NDUFA10: variants seen among roughly 807,000 people sequenced by gnomAD.
NDUFA10 encodes NADH dehydrogenase [ubiquinone] 1 alpha subcomplex subunit 10, mitochondrial.
Under a neutral mutation model 47.8 loss-of-function variants are expected in NDUFA10, and 40 were observed. The observed-to-expected ratio is 0.84, with a 90% CI of 0.65 to 1.09. The LOEUF (loss-of-function observed/expected upper bound fraction) is 1.09, where lower values mean the gene tolerates loss of function less well. Ranked by LOEUF, NDUFA10 falls within the 50% of genes least tolerant of loss-of-function variation. NDUFA10 has a pLI of 0.00. For missense variants in NDUFA10, 413 were observed against 451.1 expected (o/e 0.92, Z 0.76); for synonymous variants, 183 against 172.2 (o/e 1.06, Z -0.49).
chr2:239,920,280 G>T (rs1693946486), intron 4 of NDUFA10, among the ~76,000 whole-genome samples: 1 of 152,216 alleles, frequency 6.6e-6, no homozygotes, highest in African/African-American at 2.4e-5. Context: ...CTGCCATCCT[G>T]CAGAGCTGAG....
At chr2:239,916,013 GATAC>G (rs1346270588) in intron 4 of NDUFA10, among the ~76,000 whole-genome samples, 3 of 125,890 alleles carry the variant, frequency 2.4e-5, no homozygotes, top group Non-Finnish European at 4.9e-5. Context: ...CAAATATACA[GATAC>G]ATAGAGAGAC....
intron 8 of NDUFA10, among the ~76,000 whole-genome samples, chr2:239,996,822 T>A (rs1250992104): frequency 1.3e-5 from 2 of 151,384 alleles, no homozygotes; most frequent in East Asian, 1.9e-4. Context: ...TTTTTTTTTT[T>A]AACTCATCAG....
chr2:239,896,567 G>T (rs931152446), intron 4 of NDUFA10, among the ~76,000 whole-genome samples: 2 of 152,190 alleles, frequency 1.3e-5, no homozygotes, highest in Non-Finnish European at 2.9e-5. Flanking sequence ...GCTGAAACAG[G>T]TTCCATCATC....
intron 4 of NDUFA10, among the ~76,000 whole-genome samples, chr2:239,921,389 G>A (rs1574780458): frequency 3.2e-5 from 3 of 94,464 alleles, no homozygotes; most frequent in Non-Finnish European, 4.0e-5. Flanking sequence ...CAAGCAGGTT[G>A]CAGCTACTGG....
intron 8 of NDUFA10, among the ~76,000 whole-genome samples, chr2:239,999,017 A>G (rs1696596835): frequency 6.6e-6 from 1 of 152,168 alleles, no homozygotes. Flanking sequence ...GACCACATGG[A>G]GCTGAGCTGC....
chr2:239,995,981 C>A (rs780311465), intron 8 of NDUFA10, among the ~76,000 whole-genome samples: 1 of 152,138 alleles, frequency 6.6e-6, no homozygotes, highest in Non-Finnish European at 1.5e-5. Context: ...ACAAATCCAG[C>A]GCTGTTGGAA....
intron 4 of NDUFA10, among the ~76,000 whole-genome samples, chr2:239,918,517 G>A (rs1237410616): frequency 6.6e-6 from 1 of 152,200 alleles, no homozygotes. Flanking sequence ...ACAGAGGCCA[G>A]GGAAAACCTG....
At chr2:239,980,155 G>A (rs1695711193) in intron 9 of NDUFA10, among the ~76,000 whole-genome samples, 1 of 152,130 alleles carries the variant, frequency 6.6e-6, no homozygotes, top group Non-Finnish European at 1.5e-5. Context: ...CCACTAGGAG[G>A]TGAGCTGCAT....
chr2:239,966,988 T>C (rs1259347801), intron 9 of NDUFA10, among the ~76,000 whole-genome samples: 1 of 151,822 alleles, frequency 6.6e-6, no homozygotes, highest in African/African-American at 2.4e-5. Context: ...CACTGGCCCA[T>C]GCTGTACATC....
chr2:239,980,590 G>T (rs1033437786), intron 9 of NDUFA10, among the ~76,000 whole-genome samples: 7 of 152,136 alleles, frequency 4.6e-5, no homozygotes, highest in Non-Finnish European at 1.0e-4. Flanking sequence ...ACCAAAACAG[G>T]GTTTCCAGTT....
intron 9 of NDUFA10, among the ~76,000 whole-genome samples, chr2:239,980,706 C>T (rs1355416860): frequency 3.3e-5 from 5 of 152,218 alleles, no homozygotes; most frequent in African/African-American, 9.6e-5. Context: ...ACATGTACAG[C>T]TGAGCTCCGC....
At position 240,025,236 on chromosome 2, in the gene NDUFA10, G is replaced by A. The variant is rs1395271828; in HGVS notation, c.66C>T (p.Ala22=). ...SASARVVAAG[A]QRVRGIHSSV... ...CCCGCCGCCCGCTCACCACGCGCTG[G>A]GCGCCCGCCGCCACGACCCGGGCGG... The change falls in exon 1 of 10, where the codon GCC becomes GCT. Residue 22 remains alanine, a synonymous_variant. Coordinates refer to ENST00000252711, the MANE Select transcript of NDUFA10 (RefSeq NM_004544.4). The A allele has an allele frequency of 6.7e-7, 1 of 1,484,500 alleles. No homozygotes were observed. The highest frequency in any genetic ancestry group is 1.3e-5 in the South Asian group (1 of 79,202). 92.0% of individuals were successfully genotyped at this position (1,484,500 alleles called of 1,614,324 possible).
chr2:239,992,483 T>C (rs1696291942), intron 8 of NDUFA10, among the ~76,000 whole-genome samples: 1 of 152,240 alleles, frequency 6.6e-6, no homozygotes, highest in African/African-American at 2.4e-5. Flanking sequence ...TGCAAAGTTC[T>C]ATCTGAAACA....
chr2:239,908,628 C>T (rs1361318337), intron 4 of NDUFA10, among the ~76,000 whole-genome samples: 1 of 152,196 alleles, frequency 6.6e-6, no homozygotes, highest in Non-Finnish European at 1.5e-5. Context: ...AGTAAGATGG[C>T]AGAATGTCCA....
chr2:239,923,611 G>T (rs1363898709), intron 4 of NDUFA10, among the ~76,000 whole-genome samples: 1 of 152,014 alleles, frequency 6.6e-6, no homozygotes, highest in Non-Finnish European at 1.5e-5. Context: ...TTTGTGGGGT[G>T]CGTATTAAAT....
chr2:239,964,367 G>A (rs936718538), intron 9 of NDUFA10, among the ~76,000 whole-genome samples: 6 of 152,080 alleles, frequency 3.9e-5, no homozygotes, highest in African/African-American at 1.4e-4. Flanking sequence ...AAAGGGAAAG[G>A]ACACCAATCT....
chr2:239,959,415 G>C lies in NDUFA10; in HGVS notation c.*1703C>G. 1.0e-6 allele frequency: 1 copy of C among 985,468 alleles called. No individual in the cohort carries two copies. Among genetic ancestry groups the C allele is most frequent in the African/African-American group, 1.7e-5 (1 of 57,378 alleles). 61.0% of individuals were successfully genotyped at this position (985,468 alleles called of 1,614,324 possible). ...GGAACAGCTAAGATAATTAAAGATG[G>C]CTTTCTTTTTCTTTCCTCCCCTCCA... is the stretch of plus-strand genomic sequence containing the variant. On this transcript the variant is annotated 3_prime_UTR_variant, in exon 10 of 10. Transcript: ENST00000252711.
chr2:239,983,014 G>A (rs80048637), intron 9 of NDUFA10, among the ~76,000 whole-genome samples: 13,434 of 152,144 alleles, frequency 0.088, 699 homozygotes, highest in Admixed American at 0.14. Flanking sequence ...ACTCTCTCAG[G>A]GGTGTGTGCA....
rs1227354763 is a variant in NDUFA10, at chr2:240,014,811, C to A, written c.597G>T (p.Leu199=). 2 of 1,614,030 alleles carry A rather than the reference C, an allele frequency of 1.2e-6. No homozygotes were observed. The highest frequency in any genetic ancestry group is 1.3e-5 in the African/African-American group (1 of 74,900). The part of the protein sequence containing the change: ...EVKSVTICDY[L]PPHLVIYIDV... ...CGATGTAAATCACCAGGTGGGGGGG[C>A]AGGTAATCGCAGATGGTGACGCTCT... The change falls in exon 5 of 10, where the codon CTG becomes CTT. Residue 199 remains leucine (L), a synonymous_variant. Coordinates refer to ENST00000252711, the MANE Select transcript of NDUFA10 (RefSeq NM_004544.4).
Sources: gnomAD v4.1 joint callset for allele counts (sites outside exome capture counted in the v4.1 genomes callset) on GRCh38, gnomAD v4.1.1 for gene constraint, MANE v1.5 for transcripts, NCBI Gene and HGNC (gene_info 2026-07-23, HGNC 2026-07-21) for gene names.